DOCK4: variants seen among roughly 807,000 people sequenced by gnomAD.
DOCK4 encodes the protein dedicator of cytokinesis 4.
DOCK4 carries 97 observed loss-of-function variants against 268.1 expected under a neutral mutation model. That is an observed-to-expected ratio of 0.36 (90% CI 0.31 to 0.43). The LOEUF (loss-of-function observed/expected upper bound fraction) is 0.43, where lower values mean the gene tolerates loss of function less well. Ranked by LOEUF, DOCK4 falls within the 20% of genes least tolerant of loss-of-function variation. The probability of loss-of-function intolerance (pLI) is 1.00; values close to 1 mark genes in which losing one functional copy is unlikely to be tolerated. For synonymous variants in DOCK4, 954 were observed against 887.2 expected (o/e 1.08, Z -1.34); for missense variants, 2,145 against 2,455.7 (o/e 0.87, Z 2.67).
At chr7:111,837,239 G>C (rs1349335161) in intron 25 of DOCK4, among the ~76,000 whole-genome samples, 1 of 151,562 alleles carries the variant, frequency 6.6e-6, no homozygotes, top group African/African-American at 2.4e-5. Context: ...CAGCTTCAGA[G>C]AACTAAAAGG....
chr7:112,198,818 A>G (rs945841579), intron 1 of DOCK4, among the ~76,000 whole-genome samples: 1 of 152,174 alleles, frequency 6.6e-6, no homozygotes, highest in African/African-American at 2.4e-5. Flanking sequence ...TTCTTTTGTC[A>G]TTTAACACTA....
intron 1 of DOCK4, among the ~76,000 whole-genome samples, chr7:112,029,059 C>G (rs1338908946): frequency 2.0e-5 from 3 of 152,206 alleles, no homozygotes; most frequent in African/African-American, 7.2e-5. Flanking sequence ...TTCTCAGCAT[C>G]TGACCCCTTC....
At chr7:112,115,652 C>CCATCCATCCATCCATCCATCCAT in intron 1 of DOCK4, among the ~76,000 whole-genome samples, 1 of 150,038 alleles carries the variant, frequency 6.7e-6, no homozygotes, top group East Asian at 2.0e-4. Flanking sequence ...CATCCATCCA[C>CCATCCATCCATCCATCCATCCAT]CCATCCATCC....
At chr7:111,755,435 G>A (rs751669967) in intron 42 of DOCK4, 80 bp downstream of exon 42, 49 of 1,364,090 alleles carry the variant, frequency 3.6e-5, no homozygotes, top group Admixed American at 7.0e-5. Context: ...TGGGTCGAAG[G>A]AGAAGTAATG....
At chr7:111,786,350 A>C (rs1799163313) in intron 32 of DOCK4, among the ~76,000 whole-genome samples, 1 of 152,168 alleles carries the variant, frequency 6.6e-6, no homozygotes, top group Admixed American at 6.5e-5. Context: ...CCCAATAGAT[A>C]AAGCGGAATG....
rs1799304973 is a variant in DOCK4, at chr7:111,989,215, G to A, written c.316-52C>T. 3.1e-6 allele frequency: 5 copies of A among 1,598,794 alleles called. No individual in the cohort carries two copies. The Admixed American group carries it at 6.7e-5, about 22-fold the overall frequency. On this transcript the variant is annotated intron_variant, in intron 5 of 52. Transcript: ENST00000428084. ...TGGCAGTCAGTACCTATACTGAGTT[G>A]TGGGGTAACCAAAAAGGAAAGGGAA...
At chr7:111,857,472 GTGGTACA>G (rs1485649355) in intron 23 of DOCK4, among the ~76,000 whole-genome samples, 1 of 152,012 alleles carries the variant, frequency 6.6e-6, no homozygotes, top group African/African-American at 2.4e-5. Flanking sequence ...CTTCTCACCA[GTGGTACA>G]TGATCAGTGC....
chr7:111,873,893 C>G (rs1284225403), intron 17 of DOCK4, among the ~76,000 whole-genome samples: 1 of 152,130 alleles, frequency 6.6e-6, no homozygotes, highest in Non-Finnish European at 1.5e-5. Context: ...AAAATACTGA[C>G]TTTGAAAAAG....
At chr7:111,849,263 T>C (rs1427680283) in intron 23 of DOCK4, among the ~76,000 whole-genome samples, 26 of 77,872 alleles carry the variant, frequency 3.3e-4, no homozygotes, top group African/African-American at 1.3e-3. Context: ...TCCTAGTTAC[T>C]TTTTTTTTTT....
rs774200074 is a variant in DOCK4 at position 111,778,383 on chromosome 7, G to A, written c.3586-14C>T. ...CTTATAGAAGTTCTGTAAAAAAAGA[G>A]TACAGGTATGGATAGTTCCTCAACA... On this transcript the variant is annotated splice_polypyrimidine_tract_variant and intron_variant, in intron 35 of 52. Transcript: ENST00000428084. 24 of 1,539,832 alleles carry A rather than the reference G, an allele frequency of 1.6e-5. No individual in the cohort carries two copies. The highest frequency in any genetic ancestry group is 2.2e-5 in the Non-Finnish European group (24 of 1,113,346).
intron 1 of DOCK4, among the ~76,000 whole-genome samples, chr7:112,202,511 TTTG>T (rs1478790109): frequency 1.3e-5 from 1 of 75,332 alleles, no homozygotes; most frequent in Admixed American, 1.4e-4. Flanking sequence ...TGAGGTGTAA[TTTG>T]TTAATAGCCT....
At chr7:112,142,660 C>T (rs1401778980) in intron 1 of DOCK4, among the ~76,000 whole-genome samples, 2 of 152,106 alleles carry the variant, frequency 1.3e-5, no homozygotes, top group Non-Finnish European at 2.9e-5. Flanking sequence ...TTAAATGTTA[C>T]AATAGAAAGC....
intron 27 of DOCK4, among the ~76,000 whole-genome samples, chr7:111,816,769 T>C (rs1315901897): frequency 6.6e-6 from 1 of 152,240 alleles, no homozygotes; most frequent in Non-Finnish European, 1.5e-5. Context: ...GTTTGCCATA[T>C]TAGATGACTC....
chr7:112,102,469 T>C (rs372894226), intron 1 of DOCK4, among the ~76,000 whole-genome samples: 1 of 152,180 alleles, frequency 6.6e-6, no homozygotes, highest in South Asian at 2.1e-4. Context: ...ATTAATATGT[T>C]AAAATCCTAA....
chr7:111,847,244 C>CAA (rs1425345192), intron 23 of DOCK4, 118 bp from the exon 24 acceptor site: 3 of 1,259,348 alleles, frequency 2.4e-6, no homozygotes, highest in African/African-American at 3.0e-5. Context: ...CATGTAGTTA[C>CAA]AAAGGTATTA....
rs78704434 is a variant in DOCK4 at position 112,178,812 on chromosome 7, C to T, written c.37+27290G>A. Among the ~76,000 whole-genome samples, 466 of 152,248 alleles carry T rather than the reference C, an allele frequency of 3.1e-3. 1 individual carries two copies. Among genetic ancestry groups the T allele is most frequent in the African/African-American group, 0.01 (432 of 41,534 alleles). Reference sequence around the variant, plus strand: ...TCATTCCTCTCGTTCATCCTCTATTCGGAACTACCGATGAGCTCAGATACA... The same window carrying T: ...TCATTCCTCTCGTTCATCCTCTATTTGGAACTACCGATGAGCTCAGATACA... On this transcript the variant is annotated intron_variant, in intron 1 of 52. Transcript: ENST00000428084.
At chr7:112,092,152 C>G (rs6948142) in intron 1 of DOCK4, among the ~76,000 whole-genome samples, 70,398 of 151,870 alleles carry the variant, frequency 0.46, 16,600 homozygotes, top group African/African-American at 0.56. Context: ...CTTTGTTTGG[C>G]AAATGAAGAT....
Position 111,741,974 on chromosome 7 carries a change from G to T in DOCK4, c.4797+39C>A. On this transcript the variant is annotated intron_variant, in intron 45 of 52. Transcript: ENST00000428084. ...ATCCCTTTAACAAGCAAACGGCAGT[G>T]ATCAGGCTGCCCCGCCATGGACACC... 2.0e-6 allele frequency: 3 copies of T among 1,523,790 alleles called. No individual in the cohort carries two copies. The South Asian group carries it at 4.0e-5, about 20-fold the overall frequency. 94.4% of individuals were successfully genotyped at this position (1,523,790 alleles called of 1,614,324 possible).
intron 16 of DOCK4, among the ~76,000 whole-genome samples, chr7:111,885,844 C>A (rs1807794763): frequency 4.6e-5 from 7 of 152,146 alleles, no homozygotes; most frequent in Admixed American, 4.6e-4. Flanking sequence ...TATTAAAATG[C>A]AGGCTTTGCA....
Sources: allele counts gnomAD v4.1 joint callset (sites outside exome capture counted in the v4.1 genomes callset), GRCh38; gene constraint gnomAD v4.1.1; transcripts MANE v1.5; gene names NCBI Gene and HGNC (gene_info 2026-07-23, HGNC 2026-07-21).